The following H1-5 variants were observed in gnomAD, a reference collection of about 807,000 sequenced individuals.
H1-5 encodes histone H1.5.
In H1-5, 3 loss-of-function variants were observed where a neutral mutation model predicts 4.6. The observed-to-expected ratio is 0.65, with a 90% CI of 0.30 to 1.68. H1-5 has a LOEUF of 1.68. Ranked by LOEUF, H1-5 falls within the 40% of genes most tolerant of loss-of-function variation. H1-5 has a pLI of 0.10. For missense variants in H1-5, 521 were observed against 287.9 expected (o/e 1.81, Z -5.86); for synonymous variants, 250 against 123.4 (o/e 2.03, Z -6.80).
At position 27,867,074 on chromosome 6, in the gene H1-5, C is replaced by A; in HGVS notation, c.456G>T (p.Val152=). The A allele has an allele frequency of 1.2e-6, 2 of 1,613,876 alleles. No individual in the cohort carries two copies. Among genetic ancestry groups the A allele is most frequent in the Non-Finnish European group, 1.7e-6 (2 of 1,179,898 alleles). ...TCTTCGCCTTCTTCGGAGTCTTCTT[C>A]ACTGCCTTTTTCGCCCCTGCAGCCT... ...AKKAAGAKKA[V]KKTPKKAKKP... The change falls in exon 1 of 1, where the codon GTG becomes GTT. Residue 152 remains valine (V), a synonymous_variant. Coordinates refer to ENST00000331442, the MANE Select transcript of H1-5 (RefSeq NM_005322.3).
At position 27,866,906 on chromosome 6, in the gene H1-5, G is replaced by T. The variant is rs535793643; in HGVS notation, c.624C>A (p.Pro208=). The change falls in exon 1 of 1, where the codon CCC becomes CCA. Residue 208 remains proline, a synonymous_variant. Coordinates refer to ENST00000331442, the MANE Select transcript of H1-5 (RefSeq NM_005322.3). ...PKAAKPKAAK[P]KAAKPKAAKA... ...TTGCAGCTTTAGGTTTTGCTGCTTT[G>T]GGCTTAGCGGCTTTGGGCTTTGCCG... The T allele has an allele frequency of 6.2e-6, 10 of 1,612,460 alleles. No homozygotes were observed. The highest frequency in any genetic ancestry group is 1.7e-4 in the Middle Eastern group (1 of 6,020).
rs773069523 is a variant in H1-5, at chr6:27,867,513, G to A, written c.17C>T (p.Pro6Leu). The change falls in exon 1 of 1, where the codon CCT becomes CTT. Residue 6 changes from proline to leucine, a missense_variant. Coordinates refer to ENST00000331442, the MANE Select transcript of H1-5 (RefSeq NM_005322.3). ...CGGCGCTGGGGTGGCTGTCTCGGCA[G>A]GAGCGGTTTCCGACATGGTGGCAAG... MSETA[P>L]AETATPAPVE... The A allele has an allele frequency of 7.1e-6, 11 of 1,550,532 alleles. No homozygotes were observed. The Admixed American group carries it at 8.6e-5, about 12-fold the overall frequency.
rs1288805653 is a variant in H1-5, at chr6:27,866,922, G to C, written c.608C>G (p.Pro203Arg). ...PKAVKPKAAK[P>R]KAAKPKAAKP... is the part of the protein sequence containing the mutation. The stretch of plus-strand genomic sequence containing the variant: ...TGCTGCTTTGGGCTTAGCGGCTTTG[G>C]GCTTTGCCGCCTTCGGCTTAACTGC... Residue 203 changes from proline to arginine, a missense_variant, in exon 1 of 1, where the codon CCC becomes CGC. Transcript: ENST00000331442. The C allele has an allele frequency of 2.5e-6, 4 of 1,613,896 alleles. No individual in the cohort carries two copies.
In H1-5 at chr6:27,867,545, C is replaced by T; in HGVS notation, c.-16G>A. ...TTTCCGACATGGTGGCAAGAAACTGCTAGAAGAGAATAAGCTCGAAATCTA... is the reference window on the plus strand; with the variant it reads ...TTTCCGACATGGTGGCAAGAAACTGTTAGAAGAGAATAAGCTCGAAATCTA... On this transcript the variant is annotated 5_prime_UTR_variant, in exon 1 of 1. Transcript: ENST00000331442. The T allele has an allele frequency of 3.3e-6, 5 of 1,529,102 alleles. No individual in the cohort carries two copies. Among genetic ancestry groups the T allele is most frequent in the South Asian group, 1.3e-5 (1 of 75,740 alleles). The allele number at this position is 1,529,102 out of a possible 1,614,324, so 94.7% of individuals were successfully genotyped here. A position where few individuals can be genotyped will look rare whatever the true frequency, so the allele number is the denominator to read the frequency against.
At position 27,867,511 on chromosome 6, in the gene H1-5, C is replaced by G. The variant is rs1009982175; in HGVS notation, c.19G>C (p.Ala7Pro). The change falls in exon 1 of 1, where the codon GCC (alanine) becomes CCC (proline). Residue 7 changes from alanine (A) to proline (P), a missense_variant. By Grantham distance (27) the Ala-to-Pro change is conservative. Transcript: ENST00000331442. MSETAP[A>P]ETATPAPVEK... ...ACCGGCGCTGGGGTGGCTGTCTCGG[C>G]AGGAGCGGTTTCCGACATGGTGGCA... 4 of 1,551,532 alleles carry G rather than the reference C, an allele frequency of 2.6e-6. No homozygotes were observed. The highest frequency in any genetic ancestry group is 3.5e-6 in the Non-Finnish European group (4 of 1,154,906).
rs746373563 is a variant in H1-5, at chr6:27,867,305, G to C, written c.225C>G (p.Asp75Glu). 6.2e-7 allele frequency: 1 copy of C among 1,614,116 alleles called. No individual in the cohort carries two copies. The highest frequency in any genetic ancestry group is 1.3e-5 in the African/African-American group (1 of 74,940). ...LKKALAAGGY[D>E]VEKNNSRIKL... ...TAATGCGGCTGTTATTCTTCTCCAC[G>C]TCGTAGCCACCGGCCGCTAAGGCCT... The change falls in exon 1 of 1, where the codon GAC (aspartate) becomes GAG (glutamate). Residue 75 changes from aspartate (D) to glutamate (E), a missense_variant. Transcript: ENST00000331442.
Position 27,867,510 on chromosome 6 carries a change from G to A in H1-5, c.20C>T (p.Ala7Val). The A allele has an allele frequency of 1.9e-6, 3 of 1,552,106 alleles. No homozygotes were observed. Among genetic ancestry groups the A allele is most frequent in the Middle Eastern group, 1.7e-4 (1 of 5,724 alleles). The change falls in exon 1 of 1, where the codon GCC (alanine) becomes GTC (valine). Residue 7 changes from alanine (A) to valine (V), a missense_variant. Coordinates refer to ENST00000331442, the MANE Select transcript of H1-5 (RefSeq NM_005322.3). ...CACCGGCGCTGGGGTGGCTGTCTCG[G>A]CAGGAGCGGTTTCCGACATGGTGGC... MSETAP[A>V]ETATPAPVEK...
Position 27,866,792 on chromosome 6 carries a change from T to G in H1-5, c.*57A>C. 1 of 1,403,900 alleles carries G rather than the reference T, an allele frequency of 7.1e-7. No homozygotes were observed. 87.0% of individuals were successfully genotyped at this position (1,403,900 alleles called of 1,614,324 possible). ...TGCACAGCCATTTTTTAGAGGTCTC[T>G]GGGTGGCTCTGAAAAGAGCCTTTGG... On this transcript the variant is annotated 3_prime_UTR_variant, in exon 1 of 1. Transcript: ENST00000331442.
In H1-5 at chr6:27,866,861, G is replaced by C; in HGVS notation, c.669C>G (p.Ala223=). 1 of 1,590,782 alleles carries C rather than the reference G, an allele frequency of 6.3e-7. No individual in the cohort carries two copies. The change falls in exon 1 of 1, where the codon GCC becomes GCG. Residue 223 remains alanine (A), a synonymous_variant. Coordinates refer to ENST00000331442, the MANE Select transcript of H1-5 (RefSeq NM_005322.3). The part of the protein sequence containing the change: ...PKAAKAKKAA[A]KKK ...ACACGCCAGCTTCCTACTTCTTTTTGGCAGCCGCCTTCTTGGCCTTTGCAG... is the reference window on the plus strand; with the variant it reads ...ACACGCCAGCTTCCTACTTCTTTTTCGCAGCCGCCTTCTTGGCCTTTGCAG...
chr6:27,867,452 C>G lies in H1-5; in HGVS notation c.78G>C (p.Lys26Asn). 6.2e-7 allele frequency: 1 copy of G among 1,606,460 alleles called. No individual in the cohort carries two copies. Among genetic ancestry groups the G allele is most frequent in the Non-Finnish European group, 8.5e-7 (1 of 1,177,038 alleles). Reference sequence around the variant, plus strand: ...TAGCAGCGCCGGCGCCGGCAGCCTTCTTAGTTGCCTTCTTCTTAGCCGGGG... The same window carrying G: ...TAGCAGCGCCGGCGCCGGCAGCCTTGTTAGTTGCCTTCTTCTTAGCCGGGG... ...EKSPAKKKAT[K>N]KAAGAGAAKR... Residue 26 changes from lysine (K) to asparagine (N), a missense_variant, in exon 1 of 1, where the codon AAG (lysine) becomes AAC (asparagine). By Grantham distance (94) the Lys-to-Asn change is moderately conservative (BLOSUM62 0). Transcript: ENST00000331442.
In H1-5 at chr6:27,867,535, C is replaced by T. The variant is rs766108915; in HGVS notation, c.-6G>A. On this transcript the variant is annotated 5_prime_UTR_variant, in exon 1 of 1. Coordinates refer to ENST00000331442, the MANE Select transcript of H1-5 (RefSeq NM_005322.3). ...GCAGGAGCGGTTTCCGACATGGTGG[C>T]AAGAAACTGCTAGAAGAGAATAAGC... The T allele has an allele frequency of 6.5e-7, 1 of 1,535,348 alleles. No individual in the cohort carries two copies. Among genetic ancestry groups the T allele is most frequent in the Admixed American group, 2.2e-5 (1 of 44,984 alleles).
Position 27,866,821 on chromosome 6 carries a change from T to C in H1-5, c.*28A>G. 6.4e-7 allele frequency: 1 copy of C among 1,553,424 alleles called. No homozygotes were observed. Among genetic ancestry groups the C allele is most frequent in the Non-Finnish European group, 8.7e-7 (1 of 1,154,830 alleles). On this transcript the variant is annotated 3_prime_UTR_variant, in exon 1 of 1. Coordinates refer to ENST00000331442, the MANE Select transcript of H1-5 (RefSeq NM_005322.3). ...TGGCTCTGAAAAGAGCCTTTGGGGC[T>C]TTGTTGCGGTTTTCACACGCCAGCT...
In H1-5 at chr6:27,867,153, G is replaced by A. The variant is rs1434169854; in HGVS notation, c.377C>T (p.Ala126Val). 1 of 1,614,150 alleles carries A rather than the reference G, an allele frequency of 6.2e-7. No individual in the cohort carries two copies. Among genetic ancestry groups the A allele is most frequent in the Non-Finnish European group, 8.5e-7 (1 of 1,180,026 alleles). ...SGEAKPKAKK[A>V]GAAKAKKPAG... is the part of the protein sequence containing the mutation. ...GGGCTTCTTAGCTTTAGCGGCGCCT[G>A]CCTTCTTGGCTTTGGGCTTGGCTTC... Residue 126 changes from alanine to valine, a missense_variant, in exon 1 of 1, where the codon GCA (alanine) becomes GTA (valine). Coordinates refer to ENST00000331442, the MANE Select transcript of H1-5 (RefSeq NM_005322.3).
rs140485202 is a variant in H1-5, at chr6:27,867,126, G to A, written c.404C>T (p.Ala135Val). The part of the protein sequence containing the change: ...KAGAAKAKKP[A>V]GATPKKAKKA... Reference sequence around the variant, plus strand: ...CTTGGCCTTCTTAGGCGTGGCCCCCGCGGGCTTCTTAGCTTTAGCGGCGCC... The same window carrying A: ...CTTGGCCTTCTTAGGCGTGGCCCCCACGGGCTTCTTAGCTTTAGCGGCGCC... The change falls in exon 1 of 1, where the codon GCG (alanine) becomes GTG (valine). Residue 135 changes from alanine (A) to valine (V), a missense_variant. Coordinates refer to ENST00000331442, the MANE Select transcript of H1-5 (RefSeq NM_005322.3). 3.7e-5 allele frequency: 59 copies of A among 1,614,076 alleles called. No individual in the cohort carries two copies. The highest frequency in any genetic ancestry group is 4.7e-5 in the Non-Finnish European group (56 of 1,180,014).
At position 27,867,554 on chromosome 6, in the gene H1-5, A is replaced by G; in HGVS notation, c.-25T>C. ...TGGTGGCAAGAAACTGCTAGAAGAG[A>G]ATAAGCTCGAAATCTAAAGAGCAGG... On this transcript the variant is annotated 5_prime_UTR_variant, in exon 1 of 1. Coordinates refer to ENST00000331442, the MANE Select transcript of H1-5 (RefSeq NM_005322.3). The G allele has an allele frequency of 2.0e-6, 3 of 1,520,768 alleles. No homozygotes were observed. Among genetic ancestry groups the G allele is most frequent in the Non-Finnish European group, 2.6e-6 (3 of 1,138,054 alleles). 94.2% of individuals were successfully genotyped at this position (1,520,768 alleles called of 1,614,324 possible).
chr6:27,866,828 C>A lies in H1-5; in HGVS notation c.*21G>T, dbSNP rs777396714. On this transcript the variant is annotated 3_prime_UTR_variant, in exon 1 of 1. Coordinates refer to ENST00000331442, the MANE Select transcript of H1-5 (RefSeq NM_005322.3). ...GAAAAGAGCCTTTGGGGCTTTGTTG[C>A]GGTTTTCACACGCCAGCTTCCTACT... The A allele has an allele frequency of 4.5e-6, 7 of 1,562,672 alleles. No homozygotes were observed. Among genetic ancestry groups the A allele is most frequent in the Middle Eastern group, 2.0e-4 (1 of 5,108 alleles).
In H1-5 at chr6:27,867,467, C is replaced by G. The variant is rs758785999; in HGVS notation, c.63G>C (p.Lys21Asn). 2 of 1,594,408 alleles carry G rather than the reference C, an allele frequency of 1.3e-6. No individual in the cohort carries two copies. Among genetic ancestry groups the G allele is most frequent in the Non-Finnish European group, 1.7e-6 (2 of 1,172,076 alleles). The change falls in exon 1 of 1, where the codon AAG becomes AAC. Residue 21 changes from lysine to asparagine, a missense_variant. Coordinates refer to ENST00000331442, the MANE Select transcript of H1-5 (RefSeq NM_005322.3). ...TPAPVEKSPA[K>N]KKATKKAAGA... ...CGGCAGCCTTCTTAGTTGCCTTCTT[C>G]TTAGCCGGGGATTTCTCCACCGGCG...
chr6:27,867,446 AGCCTTCTTAGTT>A lies in H1-5; in HGVS notation c.72_83del (p.Thr25_Ala28del). The A allele has an allele frequency of 6.2e-7, 1 of 1,609,096 alleles. No individual in the cohort carries two copies. On this transcript the variant is annotated inframe_deletion, in exon 1 of 1. Transcript: ENST00000331442. The stretch of plus-strand genomic sequence containing the variant: ...TGCGCTTAGCAGCGCCGGCGCCGGC[AGCCTTCTTAGTT>A]GCCTTCTTCTTAGCCGGGGATTTCT...
In H1-5 at chr6:27,867,437, G is replaced by A. The variant is rs1010989570; in HGVS notation, c.93C>T (p.Ala31=). 9.3e-6 allele frequency: 15 copies of A among 1,609,630 alleles called. No homozygotes were observed. The highest frequency in any genetic ancestry group is 1.2e-5 in the Non-Finnish European group (14 of 1,178,140). The change falls in exon 1 of 1, where the codon GCC becomes GCT. Residue 31 remains alanine (A), a synonymous_variant. Transcript: ENST00000331442. The part of the protein sequence containing the change: ...KKKATKKAAG[A]GAAKRKATGP... ...CCGTCGCTTTGCGCTTAGCAGCGCC[G>A]GCGCCGGCAGCCTTCTTAGTTGCCT...
Sources: gnomAD v4.1 joint callset for allele counts on GRCh38, gnomAD v4.1.1 for gene constraint, MANE v1.5 for transcripts, NCBI Gene and HGNC (gene_info 2026-07-23, HGNC 2026-07-21) for gene names.